The following GABRA6 variants were observed in gnomAD, a reference collection of about 807,000 sequenced individuals.
The protein encoded by GABRA6 is gamma-aminobutyric acid type A receptor subunit alpha6.
A neutral mutation model predicts 47.3 loss-of-function variants in GABRA6; 45 were observed. That is an observed-to-expected ratio of 0.95 (90% CI 0.75 to 1.22). The LOEUF (loss-of-function observed/expected upper bound fraction) is 1.22, where lower values mean the gene tolerates loss of function less well. GABRA6 is among the 50% of genes most tolerant of loss of function. The pLI is 0.00. For synonymous variants in GABRA6, 219 were observed against 194.7 expected, an observed-to-expected ratio of 1.12 and a Z score of -1.04; for missense variants, 583 against 549.3, an observed-to-expected ratio of 1.06 and a Z score of -0.61.
Position 161,689,182 on chromosome 5 carries a change from C to A in GABRA6, c.446+13C>A. The stretch of plus-strand genomic sequence containing the variant: ...TATACACCATGAGGTGAGGTTTCTC[C>A]AATTCTATTTCCCCTGCCTAAATGA... On this transcript the variant is annotated intron_variant, in intron 4 of 8. Coordinates refer to ENST00000274545, the MANE Select transcript of GABRA6 (RefSeq NM_000811.3). 6.2e-7 allele frequency: 1 copy of A among 1,612,194 alleles called. No homozygotes were observed. Among genetic ancestry groups the A allele is most frequent in the Non-Finnish European group, 8.5e-7 (1 of 1,178,312 alleles).
intron 7 of GABRA6, among the ~76,000 whole-genome samples, chr5:161,691,032 G>A (rs193236161): frequency 4.9e-4 from 75 of 151,964 alleles, no homozygotes; most frequent in Non-Finnish European, 8.2e-4. Context: ...ACATAATGAT[G>A]TTGACCATCA....
rs548690946 is a variant in GABRA6, at chr5:161,688,046, A to C, written c.226-903A>C. On this transcript the variant is annotated intron_variant, in intron 3 of 8. Coordinates refer to ENST00000274545, the MANE Select transcript of GABRA6 (RefSeq NM_000811.3). ...AAACAACTACAACAATTTGCTATTG[A>C]ATTGTTGAAGTCTGAGTATACTTAG... Among the ~76,000 whole-genome samples, 8 of 152,262 alleles carry C rather than the reference A, an allele frequency of 5.3e-5. No homozygotes were observed. The East Asian group carries it at 1.4e-3, about 26-fold the overall frequency.
Position 161,687,624 on chromosome 5 carries a change from C to T in GABRA6, c.225+621C>T, listed in dbSNP as rs149713105. On this transcript the variant is annotated intron_variant, in intron 3 of 8. Transcript: ENST00000274545. ...CAAAGTGTATCATGGTATTCTTTTA[C>T]GGTTCTCAGGTGGCATTTCTCTCTA... The T allele has an allele frequency of 2.4e-4, 104 of 431,774 alleles. No homozygotes were observed. The East Asian group carries it at 4.1e-3, about 17-fold the overall frequency. The allele number at this position is 431,774 out of a possible 1,614,324, so 26.7% of individuals were successfully genotyped here.
chr5:161,691,616 TA>T (rs1754793157), intron 7 of GABRA6, among the ~76,000 whole-genome samples: 1 of 152,000 alleles, frequency 6.6e-6, no homozygotes, highest in African/African-American at 2.4e-5. Flanking sequence ...TTTTTTTTCT[TA>T]AGTGGTAATA....
chr5:161,690,615 A>T (rs1754774154), intron 7 of GABRA6, among the ~76,000 whole-genome samples: 1 of 152,012 alleles, frequency 6.6e-6, no homozygotes, highest in African/African-American at 2.4e-5. Context: ...CTTTATCTTG[A>T]TTTTCTTTGT....
intron 8 of GABRA6, among the ~76,000 whole-genome samples, chr5:161,697,431 A>G (rs948090215): frequency 1.3e-5 from 2 of 152,236 alleles, no homozygotes; most frequent in Non-Finnish European, 2.9e-5. Flanking sequence ...GCAGCTGATT[A>G]TCCAGATGTA....
intron 3 of GABRA6, among the ~76,000 whole-genome samples, chr5:161,688,234 G>A (rs1350460689): frequency 2.0e-5 from 3 of 152,066 alleles, no homozygotes; most frequent in South Asian, 4.1e-4. Context: ...TTATATAGTA[G>A]GCAAAGCAAT....
chr5:161,696,948 G>T (rs1346185381), intron 8 of GABRA6, among the ~76,000 whole-genome samples: 1 of 152,148 alleles, frequency 6.6e-6, no homozygotes, highest in Admixed American at 6.6e-5. Context: ...GTTTTAAATG[G>T]TGGGGGTGAT....
chr5:161,690,202 T>A lies in GABRA6; in HGVS notation c.675T>A (p.Gly225=). 1 of 1,613,508 alleles carries A rather than the reference T, an allele frequency of 6.2e-7. No homozygotes were observed. The highest frequency in any genetic ancestry group is 8.5e-7 in the Non-Finnish European group (1 of 1,179,550). The change falls in exon 7 of 9, where the codon GGT becomes GGA. Residue 225 remains glycine (G), a splice_region_variant and synonymous_variant. Coordinates refer to ENST00000274545, the MANE Select transcript of GABRA6 (RefSeq NM_000811.3). ...VSSETIKSNT[G]EYVIMTVYFH... is the part of the protein sequence containing the mutation. ...ACTGATGTATGTGTCTTCCAACAGG[T>A]GAATACGTTATAATGACAGTTTACT...
At chr5:161,697,467 T>C (rs2113084019) in intron 8 of GABRA6, among the ~76,000 whole-genome samples, 1 of 152,358 alleles carries the variant, frequency 6.6e-6, no homozygotes, top group Admixed American at 6.5e-5. Context: ...TTGCATTTCC[T>C]TTAGCCTATC....
At chr5:161,688,683 A>G (rs1754737555) in intron 3 of GABRA6, among the ~76,000 whole-genome samples, 1 of 152,188 alleles carries the variant, frequency 6.6e-6, no homozygotes, top group African/African-American at 2.4e-5. Context: ...AATATGGATG[A>G]CTGGATAGAT....
In GABRA6 at chr5:161,688,964, GT is replaced by G. The variant is rs755508078; in HGVS notation, c.248del (p.Phe83SerfsTer10). On this transcript the variant is annotated frameshift_variant, in exon 4 of 9. Transcript: ENST00000274545. LOFTEE classifies it high-confidence loss of function. ...SDVEMEYTMD[V>X]FFRQTWTDER... ...TTTCTCTTAGGAGTATACGATGGAT[GT>G]TTTTTTCCGCCAGACCTGGACTGAT... 1.9e-6 allele frequency: 3 copies of G among 1,613,440 alleles called. No homozygotes were observed. The highest frequency in any genetic ancestry group is 1.7e-6 in the Non-Finnish European group (2 of 1,179,516).
intron 2 of GABRA6, 75 bp downstream of exon 2, chr5:161,686,423 G>C (rs893680775): frequency 1.7e-6 from 2 of 1,165,478 alleles, no homozygotes; most frequent in African/African-American, 3.0e-5. Context: ...AGACCCAGAA[G>C]AGTCAGAAAC....
chr5:161,699,397 A>C (rs1754939965), intron 8 of GABRA6, among the ~76,000 whole-genome samples: 1 of 152,074 alleles, frequency 6.6e-6, no homozygotes. Context: ...TTTTAATACT[A>C]TATTTAATAG....
chr5:161,688,203 T>C (rs1754731682), intron 3 of GABRA6, among the ~76,000 whole-genome samples: 2 of 152,206 alleles, frequency 1.3e-5, no homozygotes, highest in Admixed American at 6.6e-5. Flanking sequence ...CTGCTTGCCA[T>C]AATACGTTTC....
At chr5:161,686,829 T>C (rs772647403) in intron 2 of GABRA6, 107 bp from the exon 3 acceptor site, 35 of 924,250 alleles carry the variant, frequency 3.8e-5, no homozygotes, top group Non-Finnish European at 5.3e-5. Context: ...ATAGGACACA[T>C]TGCAGATACT....
chr5:161,688,993 G>A lies in GABRA6; in HGVS notation c.270G>A (p.Glu90=), dbSNP rs1171934586. Residue 90 remains glutamate, a synonymous_variant, in exon 4 of 9, where the codon GAG becomes GAA. Coordinates refer to ENST00000274545, the MANE Select transcript of GABRA6 (RefSeq NM_000811.3). ...DVFFRQTWTD[E]RLKFGGPTEI... Reference sequence around the variant, plus strand: ...TTTTCCGCCAGACCTGGACTGATGAGAGGTTGAAGTTTGGGGGGCCAACTG... The same window carrying A: ...TTTTCCGCCAGACCTGGACTGATGAAAGGTTGAAGTTTGGGGGGCCAACTG... 1.2e-6 allele frequency: 2 copies of A among 1,613,996 alleles called. No individual in the cohort carries two copies. The highest frequency in any genetic ancestry group is 1.7e-5 in the Admixed American group (1 of 60,004).
In GABRA6 at chr5:161,689,306, G is replaced by T. The variant is rs1420441355; in HGVS notation, c.499G>T (p.Gly167Trp). The stretch of plus-strand genomic sequence containing the variant: ...GAGGCTGGTTAACTTTCCTATGGAT[G>T]GGCATGCTTGTCCACTCAAGTTTGG... ...PMRLVNFPMDGHACPLKFGSY... is the reference protein window; with the variant it reads ...PMRLVNFPMDWHACPLKFGSY... Residue 167 changes from glycine to tryptophan, a missense_variant, in exon 5 of 9, where the codon GGG (glycine) becomes TGG (tryptophan). By Grantham distance (184) the Gly-to-Trp change is radical (BLOSUM62 -2). Transcript: ENST00000274545. 1.2e-6 allele frequency: 2 copies of T among 1,613,992 alleles called. No homozygotes were observed. The highest frequency in any genetic ancestry group is 2.2e-5 in the South Asian group (2 of 91,070).
chr5:161,688,932 A>T lies in GABRA6; in HGVS notation c.226-17A>T. The T allele has an allele frequency of 6.3e-7, 1 of 1,597,564 alleles. No homozygotes were observed. Among genetic ancestry groups the T allele is most frequent in the Non-Finnish European group, 8.6e-7 (1 of 1,165,848 alleles). ...AACTATCTTTCCAGCCCACACAAAT[A>T]TTTTATTTTCTCTTAGGAGTATACG... is the stretch of plus-strand genomic sequence containing the variant. On this transcript the variant is annotated splice_polypyrimidine_tract_variant and intron_variant, in intron 3 of 8. Coordinates refer to ENST00000274545, the MANE Select transcript of GABRA6 (RefSeq NM_000811.3).
Sources: gnomAD v4.1 joint callset for allele counts (sites outside exome capture counted in the v4.1 genomes callset) on GRCh38, gnomAD v4.1.1 for gene constraint, MANE v1.5 for transcripts, NCBI Gene and HGNC (gene_info 2026-07-23, HGNC 2026-07-21) for gene names.